Variants in HDX observed in about 807,000 individuals in gnomAD.
HDX encodes highly divergent homeobox, also known as chromosome X open reading frame 43.
Under a neutral mutation model 45.2 loss-of-function variants are expected in HDX, and 19 were observed. That is an observed-to-expected ratio of 0.42 (90% CI 0.29 to 0.62). The LOEUF is 0.62. HDX is among the 20% of genes least tolerant of loss of function. The probability of loss-of-function intolerance (pLI) is 0.20; values close to 1 mark genes in which losing one functional copy is unlikely to be tolerated. For synonymous variants in HDX, 188 were observed against 172.8 expected (o/e 1.09, Z -0.69); for missense variants, 532 against 493.9 (o/e 1.08, Z -0.73).
intron 5 of HDX, among the ~76,000 whole-genome samples, chrX:84,434,438 T>C (rs2039574885): frequency 8.9e-6 from 1 of 111,903 alleles, no homozygotes; most frequent in South Asian, 3.6e-4. Context: ...ATTGAGATAA[T>C]GTTTTTTTCT....
At position 84,476,697 on chromosome X, in the gene HDX, A is replaced by T. The variant is rs189419420; in HGVS notation, c.1-1300T>A. Among the ~76,000 whole-genome samples the T allele has an allele frequency of 3.3e-3, 371 of 111,561 alleles. 3 individuals are homozygous for T. The highest frequency in any genetic ancestry group is 5.9e-3 in the Non-Finnish European group (315 of 53,152). On this transcript the variant is annotated intron_variant, in intron 2 of 10. Coordinates refer to ENST00000373177, the MANE Select transcript of HDX (RefSeq NM_001177479.2). The stretch of plus-strand genomic sequence containing the variant: ...ACTGTGTATGGAAATAACCAAGTAC[A>T]TTGACACGGAAATAACTTATCTTTC...
intron 7 of HDX, among the ~76,000 whole-genome samples, chrX:84,340,716 G>GTACCA (rs1569282171): frequency 9.0e-6 from 1 of 110,941 alleles, no homozygotes; most frequent in Non-Finnish European, 1.9e-5. Flanking sequence ...AAAAAGGGCT[G>GTACCA]TTTTCAGTAT....
chrX:84,484,316 C>G (rs754222101), intron 2 of HDX, among the ~76,000 whole-genome samples: 2 of 111,903 alleles, frequency 1.8e-5, no homozygotes, highest in Non-Finnish European at 3.8e-5. Context: ...TTAAGTGACT[C>G]ATAGTTCCAC....
chrX:84,399,761 C>CA (rs1308293602), intron 5 of HDX, among the ~76,000 whole-genome samples: 5 of 110,655 alleles, frequency 4.5e-5, no homozygotes, highest in Non-Finnish European at 1.9e-5. Flanking sequence ...AACACACACA[C>CA]AAAAAAACTT....
At chrX:84,462,979 A>G (rs1411812361) in intron 4 of HDX, among the ~76,000 whole-genome samples, 1 of 111,181 alleles carries the variant, frequency 9.0e-6, no homozygotes, top group Non-Finnish European at 1.9e-5. Flanking sequence ...AGATAAATCC[A>G]TAGAGATAGA....
chrX:84,469,681 G>T, intron 3 of HDX, 106 bp from the exon 4 acceptor site: 1 of 624,576 alleles, frequency 1.6e-6, no homozygotes, highest in Non-Finnish European at 2.3e-6. Context: ...GAACCAAGGT[G>T]TACATAAAGG....
At chrX:84,339,220 G>A (rs752336886) in intron 7 of HDX, among the ~76,000 whole-genome samples, 1 of 111,390 alleles carries the variant, frequency 9.0e-6, no homozygotes, top group South Asian at 3.8e-4. Context: ...ACGGTTCATA[G>A]ACAGAGGAGC....
chrX:84,391,286 CT>C (rs888780295), intron 5 of HDX, among the ~76,000 whole-genome samples: 1 of 111,604 alleles, frequency 9.0e-6, no homozygotes, highest in African/African-American at 3.3e-5. Context: ...TGATTTCATT[CT>C]TTTTTATGAT....
At chrX:84,410,079 A>AT (rs1195875278) in intron 5 of HDX, among the ~76,000 whole-genome samples, 108 of 105,923 alleles carry the variant, frequency 1.0e-3, no homozygotes, top group Admixed American at 2.9e-3. Flanking sequence ...AAAAAAAAAA[A>AT]AAAGAATCAT....
At chrX:84,330,606 A>T (rs759482285) in intron 9 of HDX, among the ~76,000 whole-genome samples, 2 of 111,553 alleles carry the variant, frequency 1.8e-5, no homozygotes, top group African/African-American at 6.5e-5. Context: ...AATACAAGAG[A>T]TATACGTTAT....
intron 1 of HDX, among the ~76,000 whole-genome samples, chrX:84,495,103 A>G (rs1407655508): frequency 9.0e-6 from 1 of 110,733 alleles, no homozygotes; most frequent in Non-Finnish European, 1.9e-5. Context: ...ACAGAAAGAC[A>G]AATACTGCGC....
chrX:84,440,535 T>C lies in HDX; in HGVS notation c.1302A>G (p.Arg434=). ...VPWITGCSRK[R]ALQDRTQFSD... ...CTTTAAATGAAAGATTACTTACTGCTCTTTTTCTAGAACACCCTGTAATCC... is the reference window on the plus strand; with the variant it reads ...CTTTAAATGAAAGATTACTTACTGCCCTTTTTCTAGAACACCCTGTAATCC... The change falls in exon 5 of 11, where the codon AGA becomes AGG. Residue 434 remains arginine (R), a synonymous_variant. Transcript: ENST00000373177. 8.5e-7 allele frequency: 1 copy of C among 1,171,196 alleles called. No individual in the cohort carries two copies.
chrX:84,357,888 C>A (rs1233779229), intron 6 of HDX, among the ~76,000 whole-genome samples: 1 of 111,925 alleles, frequency 8.9e-6, no homozygotes, highest in Non-Finnish European at 1.9e-5. Context: ...TCCAGAAATC[C>A]TTGTTAAAAG....
chrX:84,423,483 C>CAAAAAAA (rs538893311), intron 5 of HDX, among the ~76,000 whole-genome samples: 8 of 59,484 alleles, frequency 1.3e-4, no homozygotes, highest in Non-Finnish European at 2.1e-4. Context: ...ACAGAAACAT[C>CAAAAAAA]AAAAAAAAAA....
chrX:84,380,779 G>T (rs2038169893), intron 5 of HDX, among the ~76,000 whole-genome samples: 1 of 110,780 alleles, frequency 9.0e-6, no homozygotes, highest in African/African-American at 3.3e-5. Flanking sequence ...TGAACGGGAA[G>T]AAATGACAGC....
At chrX:84,400,163 T>A (rs149705431) in intron 5 of HDX, among the ~76,000 whole-genome samples, 138 of 109,276 alleles carry the variant, frequency 1.3e-3, no homozygotes, top group African/African-American at 4.4e-3. Context: ...AAGGATGCTC[T>A]CTCTCACCAC....
chrX:84,500,158 G>C (rs1022110262), intron 1 of HDX: 2 of 110,770 alleles, frequency 1.8e-5, no homozygotes, highest in African/African-American at 6.6e-5. Flanking sequence ...CCAGTAAATA[G>C]AGATCTGTGT....
At chrX:84,470,580 A>C (rs1037563972) in intron 3 of HDX, among the ~76,000 whole-genome samples, 1 of 111,018 alleles carries the variant, frequency 9.0e-6, no homozygotes, top group Non-Finnish European at 1.9e-5. Flanking sequence ...TCTTCTTTAC[A>C]TTTTTCTCAA....
chrX:84,326,469 A>T (rs1283256557), intron 9 of HDX, among the ~76,000 whole-genome samples, 169 bp from the exon 10 acceptor site: 2 of 111,814 alleles, frequency 1.8e-5, no homozygotes, highest in African/African-American at 6.5e-5. Flanking sequence ...CCTGTTAGTC[A>T]CAGGATGCCT....
Sources: allele counts gnomAD v4.1 joint callset (sites outside exome capture counted in the v4.1 genomes callset), GRCh38; gene constraint gnomAD v4.1.1; transcripts MANE v1.5; gene names NCBI Gene and HGNC (gene_info 2026-07-23, HGNC 2026-07-21).